CCNT1: variants seen among roughly 807,000 people sequenced by gnomAD.
CCNT1 encodes the protein cyclin-T1.
In CCNT1, 18 loss-of-function variants were observed where a neutral mutation model predicts 67.3. The ratio of observed to expected loss-of-function variants is 0.27; its 90% CI spans 0.18 to 0.40. The LOEUF is 0.40. Ranked by LOEUF, CCNT1 falls within the 10% of genes least tolerant of loss-of-function variation. The pLI is 1.00. For missense variants in CCNT1, 744 were observed against 884.9 expected, an observed-to-expected ratio of 0.84 and a Z score of 2.02; for synonymous variants, 333 against 310.3, an observed-to-expected ratio of 1.07 and a Z score of -0.77.
chr12:48,696,729 G>C (rs1336225510), intron 6 of CCNT1, among the ~76,000 whole-genome samples: 2 of 152,124 alleles, frequency 1.3e-5, no homozygotes, highest in Non-Finnish European at 2.9e-5. Context: ...TTCGTAACAG[G>C]CTATAAAAAT....
intron 1 of CCNT1, among the ~76,000 whole-genome samples, chr12:48,715,747 G>A (rs1940523786): frequency 2.0e-5 from 3 of 152,160 alleles, no homozygotes; most frequent in Admixed American, 1.3e-4. Context: ...ACAGGCGTGA[G>A]CCACCGCATC....
At position 48,693,614 on chromosome 12, in the gene CCNT1, G is replaced by T. The variant is rs1404120757; in HGVS notation, c.1600C>A (p.Pro534Thr). 1 of 1,614,152 alleles carries T rather than the reference G, an allele frequency of 6.2e-7. No individual in the cohort carries two copies. The highest frequency in any genetic ancestry group is 1.6e-4 in the Middle Eastern group (1 of 6,062). Reference protein sequence around the residue: ...HSHKHSHSQLPVGTGNKRPGD... With the variant: ...HSHKHSHSQLTVGTGNKRPGD... ...GGACGTTTGTTCCCAGTACCAACTG[G>T]AAGTTGGGAATGAGAGTGCTTGTGT... Residue 534 changes from proline (P) to threonine (T), a missense_variant, in exon 9 of 9, where the codon CCA (proline) becomes ACA (threonine). Transcript: ENST00000261900.
In CCNT1 at chr12:48,705,750, G is replaced by A; in HGVS notation, c.372+18C>T. 6.3e-7 allele frequency: 1 copy of A among 1,593,286 alleles called. No individual in the cohort carries two copies. The highest frequency in any genetic ancestry group is 8.5e-7 in the Non-Finnish European group (1 of 1,170,734). ...AGGAAAAAAATTAAGAAAAACAGAT[G>A]TGTAATTAATCTCCTACCTCACTTC... On this transcript the variant is annotated intron_variant, in intron 3 of 8. Coordinates refer to ENST00000261900, the MANE Select transcript of CCNT1 (RefSeq NM_001240.4).
intron 3 of CCNT1, 117 bp downstream of exon 3, chr12:48,705,651 C>T (rs763196209): frequency 7.8e-5 from 62 of 797,920 alleles, no homozygotes; most frequent in Non-Finnish European, 1.1e-4. Context: ...TTCAATAAAT[C>T]GAAGTTATAA....
chr12:48,698,143 G>T lies in CCNT1; in HGVS notation c.537C>A (p.Thr179=). 1 of 1,564,446 alleles carries T rather than the reference G, an allele frequency of 6.4e-7. No individual in the cohort carries two copies. The highest frequency in any genetic ancestry group is 8.7e-7 in the Non-Finnish European group (1 of 1,155,494). Residue 179 remains threonine, a synonymous_variant, in exon 6 of 9, where the codon ACC becomes ACA. Coordinates refer to ENST00000261900, the MANE Select transcript of CCNT1 (RefSeq NM_001240.4). The stretch of plus-strand genomic sequence containing the variant: ...AAAAAAATTAAAATATAAACCTGTT[G>T]GTTGCCATGAAGTAAGAAGTCTGTG... ...DLAQTSYFMA[T]NSLHLTTFSL...
intron 6 of CCNT1, among the ~76,000 whole-genome samples, chr12:48,696,945 G>T (rs1214275462): frequency 6.6e-6 from 1 of 152,080 alleles, no homozygotes; most frequent in Admixed American, 6.6e-5. Context: ...CAATTCTCGT[G>T]CCTCAGCCTC....
intron 3 of CCNT1, among the ~76,000 whole-genome samples, chr12:48,703,399 C>G (rs1940304069): frequency 6.6e-6 from 1 of 151,646 alleles, no homozygotes; most frequent in South Asian, 2.1e-4. Flanking sequence ...CATGGAGAAA[C>G]CCCGTTTCAA....
chr12:48,701,927 C>A (rs145743587), intron 3 of CCNT1, among the ~76,000 whole-genome samples: 8 of 147,030 alleles, frequency 5.4e-5, no homozygotes, highest in Non-Finnish European at 1.0e-4. Context: ...GAGGGAGTCT[C>A]GCTCTGCTGC....
chr12:48,701,152 G>A (rs1210237059), intron 3 of CCNT1, 79 bp from the exon 4 acceptor site: 2 of 730,568 alleles, frequency 2.7e-6, no homozygotes, highest in African/African-American at 1.8e-5. Context: ...ATCCCTTCCA[G>A]GGAAACCAAA....
At chr12:48,706,311 CT>C (rs1940359763) in intron 2 of CCNT1, among the ~76,000 whole-genome samples, 1 of 152,178 alleles carries the variant, frequency 6.6e-6, no homozygotes, top group Non-Finnish European at 1.5e-5. Flanking sequence ...ATAGGAATAA[CT>C]GCTAATAGGT....
intron 3 of CCNT1, 144 bp from the exon 4 acceptor site, chr12:48,701,217 CTTTTTTTTTTTTT>C (rs539754445): frequency 5.4e-5 from 5 of 92,952 alleles, no homozygotes; most frequent in African/African-American, 1.8e-4. Context: ...GAAATACAAT[CTTTTTTTTTTTTT>C]TTTTTTTTTT....
Position 48,692,266 on chromosome 12 carries a change from T to C in CCNT1, c.*767A>G, listed in dbSNP as rs1368241899. On this transcript the variant is annotated 3_prime_UTR_variant, in exon 9 of 9. Transcript: ENST00000261900. Reference sequence around the variant, plus strand: ...TGTCAAATACATGCCTCTTCCTTTATGTTCTCAAGGCCAACCATGTTTTTC... The same window carrying C: ...TGTCAAATACATGCCTCTTCCTTTACGTTCTCAAGGCCAACCATGTTTTTC... The C allele has an allele frequency of 6.6e-6, 1 of 152,228 alleles. No individual in the cohort carries two copies. Among genetic ancestry groups the C allele is most frequent in the African/African-American group, 2.4e-5 (1 of 41,464 alleles). The allele number at this position is 152,228 out of a possible 1,614,324, so 9.4% of individuals were successfully genotyped here. A position where few individuals can be genotyped will look rare whatever the true frequency, so the allele number is the denominator to read the frequency against.
chr12:48,697,335 CA>C (rs1418721163), intron 6 of CCNT1, among the ~76,000 whole-genome samples: 1 of 151,538 alleles, frequency 6.6e-6, no homozygotes, highest in Non-Finnish European at 1.5e-5. Flanking sequence ...GCCTAGTCAA[CA>C]TAGCGAAACC....
At chr12:48,704,824 C>T (rs952217154) in intron 3 of CCNT1, among the ~76,000 whole-genome samples, 1 of 152,090 alleles carries the variant, frequency 6.6e-6, no homozygotes, top group African/African-American at 2.4e-5. Context: ...AAAAGAGATG[C>T]TCAGGGCTCC....
Position 48,695,846 on chromosome 12 carries a change from A to G in CCNT1, c.707-17T>C. The G allele has an allele frequency of 6.3e-7, 1 of 1,593,288 alleles. No homozygotes were observed. The highest frequency in any genetic ancestry group is 8.6e-7 in the Non-Finnish European group (1 of 1,161,582). On this transcript the variant is annotated splice_polypyrimidine_tract_variant and intron_variant, in intron 7 of 8. Coordinates refer to ENST00000261900, the MANE Select transcript of CCNT1 (RefSeq NM_001240.4). Reference sequence around the variant, plus strand: ...GTGTCAGTTCTACAAGTAAAACAGAACATTCAAGAAAGACTGAGAGAAACA... The same window carrying G: ...GTGTCAGTTCTACAAGTAAAACAGAGCATTCAAGAAAGACTGAGAGAAACA...
chr12:48,705,500 T>C (rs1940342271), intron 3 of CCNT1: 1 of 341,826 alleles, frequency 2.9e-6, no homozygotes, highest in Admixed American at 4.9e-5. Flanking sequence ...CTTAAACTTC[T>C]GGCCTAAAGT....
intron 1 of CCNT1, among the ~76,000 whole-genome samples, chr12:48,715,095 G>A (rs1328719577): frequency 6.6e-6 from 1 of 152,206 alleles, no homozygotes; most frequent in Non-Finnish European, 1.5e-5. Flanking sequence ...TTACAGGCGC[G>A]AGCCACCGCG....
chr12:48,704,586 A>G (rs1000108153), intron 3 of CCNT1, among the ~76,000 whole-genome samples: 1 of 152,204 alleles, frequency 6.6e-6, no homozygotes, highest in Admixed American at 6.5e-5. Context: ...CAAGGCGGGC[A>G]GATCACAAGG....
intron 2 of CCNT1, among the ~76,000 whole-genome samples, chr12:48,712,718 T>A (rs1336628486): frequency 6.9e-6 from 1 of 144,572 alleles, no homozygotes; most frequent in African/African-American, 2.5e-5. Context: ...GGCGGGCAGA[T>A]CACCTGAGGT....
Sources: allele counts gnomAD v4.1 joint callset (sites outside exome capture counted in the v4.1 genomes callset), GRCh38; gene constraint gnomAD v4.1.1; transcripts MANE v1.5; gene names NCBI Gene and HGNC (gene_info 2026-07-23, HGNC 2026-07-21).